Variants in CLPB observed in about 807,000 individuals in gnomAD.
CLPB encodes ClpB family mitochondrial disaggregase.
A neutral mutation model predicts 78.4 loss-of-function variants in CLPB; 40 were observed. The observed-to-expected ratio is 0.51, with a 90% CI of 0.40 to 0.66. The LOEUF is 0.66. Among genes scored for constraint, CLPB ranks in the 30% least tolerant of loss-of-function variants. CLPB has a pLI of 0.00. For missense variants in CLPB, 780 were observed against 886.9 expected (o/e 0.88, Z 1.53); for synonymous variants, 333 against 348.0 (o/e 0.96, Z 0.48).
At chr11:72,396,178 T>TA (rs1855401011) in intron 3 of CLPB, among the ~76,000 whole-genome samples, 2 of 152,148 alleles carry the variant, frequency 1.3e-5, no homozygotes, top group Non-Finnish European at 2.9e-5. Flanking sequence ...GGCAAATGCG[T>TA]GTTATCCACT....
intron 2 of CLPB, among the ~76,000 whole-genome samples, chr11:72,416,732 T>C (rs1393285308): frequency 1.8e-5 from 2 of 111,180 alleles, no homozygotes; most frequent in Non-Finnish European, 3.4e-5. Context: ...CAAGACTCCG[T>C]CTCAAAAAAA....
At chr11:72,403,867 G>A (rs1487651424) in intron 2 of CLPB, among the ~76,000 whole-genome samples, 4 of 152,170 alleles carry the variant, frequency 2.6e-5, no homozygotes, top group Non-Finnish European at 4.4e-5. Context: ...ATGTAGGGGT[G>A]GGTAAATAGA....
chr11:72,320,673 G>A (rs1212316850), intron 6 of CLPB, among the ~76,000 whole-genome samples: 1 of 152,012 alleles, frequency 6.6e-6, no homozygotes, highest in Non-Finnish European at 1.5e-5. Flanking sequence ...CAGAGTTTGT[G>A]CTAAAAAACA....
chr11:72,431,504 G>A (rs1017608199), intron 1 of CLPB, among the ~76,000 whole-genome samples: 4 of 152,182 alleles, frequency 2.6e-5, no homozygotes, highest in Admixed American at 2.6e-4. Context: ...TTCCTTATCT[G>A]TACAATACAC....
chr11:72,419,430 T>C (rs1332506165), intron 2 of CLPB, among the ~76,000 whole-genome samples: 1 of 152,184 alleles, frequency 6.6e-6, no homozygotes, highest in Non-Finnish European at 1.5e-5. Context: ...GCACTCACAT[T>C]AGTTCCTCAT....
At chr11:72,400,808 G>A (rs1855538979) in intron 3 of CLPB, among the ~76,000 whole-genome samples, 1 of 152,170 alleles carries the variant, frequency 6.6e-6, no homozygotes, top group African/African-American at 2.4e-5. Context: ...AGAATATGGT[G>A]AGGATCTACT....
chr11:72,356,232 C>A (rs186611924), intron 5 of CLPB, among the ~76,000 whole-genome samples: 1 of 150,634 alleles, frequency 6.6e-6, no homozygotes, highest in African/African-American at 2.4e-5. Flanking sequence ...AAGCCGAGAT[C>A]GCGCCATTGC....
chr11:72,380,172 A>T, intron 4 of CLPB, 109 bp downstream of exon 4: 1 of 807,582 alleles, frequency 1.2e-6, no homozygotes, highest in Non-Finnish European at 2.1e-6. Flanking sequence ...GAGGTAAAGA[A>T]CATGCAGGCT....
rs1949442252 is a variant in CLPB at position 72,290,847 on chromosome 11, G to A, written c.*2520C>T. ...CAATCCCAGCTACTCAGGAGGCTGA[G>A]GCAGGAGAATCACTTTGAACCCAGG... On this transcript the variant is annotated 3_prime_UTR_variant, in exon 16 of 16. Coordinates refer to ENST00000538039, the MANE Select transcript of CLPB (RefSeq NM_001258392.3). 6.6e-6 allele frequency: 1 copy of A among 152,054 alleles called. No homozygotes were observed. The highest frequency in any genetic ancestry group is 6.6e-5 in the Admixed American group (1 of 15,252). The allele number at this position is 152,054 out of a possible 1,614,324, so 9.4% of individuals were successfully genotyped here.
chr11:72,292,552 T>C lies in CLPB; in HGVS notation c.*815A>G, dbSNP rs1019512782. 1 of 152,330 alleles carries C rather than the reference T, an allele frequency of 6.6e-6. No homozygotes were observed. Among genetic ancestry groups the C allele is most frequent in the Non-Finnish European group, 1.5e-5 (1 of 68,132 alleles). The allele number at this position is 152,330 out of a possible 1,614,324, so 9.4% of individuals were successfully genotyped here. A position where few individuals can be genotyped will look rare whatever the true frequency, so the allele number is the denominator to read the frequency against. On this transcript the variant is annotated 3_prime_UTR_variant, in exon 16 of 16. Coordinates refer to ENST00000538039, the MANE Select transcript of CLPB (RefSeq NM_001258392.3). ...GGGCAGAGGTCAAACCCATGATCTC[T>C]CTTCCTACAGCTTCCTAATGTCTGC...
Position 72,414,345 on chromosome 11 carries a change from G to A in CLPB, c.456-11293C>T, listed in dbSNP as rs1012607727. Among the ~76,000 whole-genome samples, 12 of 152,152 alleles carry A rather than the reference G, an allele frequency of 7.9e-5. No homozygotes were observed. The East Asian group carries it at 1.7e-3, about 22-fold the overall frequency. ...TGAGGTGTGGGAAAGGGTCATAGGC[G>A]CCACCTACTGGCCCCACAGCAGGCC... On this transcript the variant is annotated intron_variant, in intron 2 of 15. Coordinates refer to ENST00000538039, the MANE Select transcript of CLPB (RefSeq NM_001258392.3).
chr11:72,391,841 A>G (rs1434780332), intron 3 of CLPB, among the ~76,000 whole-genome samples: 1 of 152,214 alleles, frequency 6.6e-6, no homozygotes, highest in African/African-American at 2.4e-5. Context: ...TTTGCTGATC[A>G]GGCTGTAATT....
At chr11:72,427,357 G>C (rs1252319947) in intron 2 of CLPB, among the ~76,000 whole-genome samples, 1 of 152,158 alleles carries the variant, frequency 6.6e-6, no homozygotes, top group Non-Finnish European at 1.5e-5. Flanking sequence ...TACGAGGTCT[G>C]AGTTTTGCTC....
chr11:72,391,080 T>C (rs1273710084), intron 3 of CLPB, among the ~76,000 whole-genome samples: 1 of 152,226 alleles, frequency 6.6e-6, no homozygotes, highest in Non-Finnish European at 1.5e-5. Flanking sequence ...TAATTGAACT[T>C]GACCATTTGT....
At chr11:72,295,437 G>GAGAT in intron 12 of CLPB, 55 bp downstream of exon 12, 1 of 1,589,686 alleles carries the variant, frequency 6.3e-7, no homozygotes. Flanking sequence ...CCTTCCCCAG[G>GAGAT]AGATAGGCTG....
At chr11:72,371,341 G>A (rs560639152) in intron 4 of CLPB, among the ~76,000 whole-genome samples, 53 of 151,988 alleles carry the variant, frequency 3.5e-4, no homozygotes, top group African/African-American at 1.2e-3. Context: ...ACCAGCCTGG[G>A]CAACATGGTG....
At chr11:72,309,426 G>A (rs1021706925) in intron 7 of CLPB, among the ~76,000 whole-genome samples, 2 of 152,186 alleles carry the variant, frequency 1.3e-5, no homozygotes, top group Admixed American at 6.5e-5. Context: ...GTATACGAGT[G>A]GGGGTGGAGT....
intron 5 of CLPB, among the ~76,000 whole-genome samples, chr11:72,335,545 C>G (rs968189848): frequency 6.6e-6 from 1 of 152,168 alleles, no homozygotes; most frequent in Non-Finnish European, 1.5e-5. Flanking sequence ...TCTGAAAACA[C>G]CTGTTCATCT....
chr11:72,403,122 C>T lies in CLPB; in HGVS notation c.456-70G>A. On this transcript the variant is annotated intron_variant, in intron 2 of 15. Transcript: ENST00000538039. ...TGCACCTTCTGACAACAGCCTAAAA[C>T]AAGACAGAGGAATATTTTCAGTGTA... The T allele has an allele frequency of 3.5e-6, 5 of 1,416,686 alleles. No individual in the cohort carries two copies. In the South Asian group the frequency reaches 5.8e-5, roughly 16 times the overall value. 87.8% of individuals were successfully genotyped at this position (1,416,686 alleles called of 1,614,324 possible).
Sources: allele counts gnomAD v4.1 joint callset (sites outside exome capture counted in the v4.1 genomes callset), GRCh38; gene constraint gnomAD v4.1.1; transcripts MANE v1.5; gene names NCBI Gene and HGNC (gene_info 2026-07-23, HGNC 2026-07-21).